The following CRCP variants were observed in gnomAD, a reference collection of about 807,000 sequenced individuals.
The protein encoded by CRCP is CGRP receptor component.
Under a neutral mutation model 18.5 loss-of-function variants are expected in CRCP, and 18 were observed. The observed-to-expected ratio is 0.97, with a 90% CI of 0.67 to 1.44. The LOEUF (loss-of-function observed/expected upper bound fraction) is 1.44, where lower values mean the gene tolerates loss of function less well. CRCP is among the 40% of genes most tolerant of loss of function. The pLI is 0.00. For missense variants in CRCP, 130 were observed against 176.4 expected (o/e 0.74, Z 1.49); for synonymous variants, 53 against 62.9 (o/e 0.84, Z 0.75).
intron 1 of CRCP, among the ~76,000 whole-genome samples, chr7:66,126,835 A>G (rs1003045521): frequency 6.7e-6 from 1 of 149,240 alleles, no homozygotes; most frequent in Non-Finnish European, 1.5e-5. Flanking sequence ...CCCTGTGAAC[A>G]GTCTTACAAG....
At chr7:66,119,773 A>T (rs1345317045) in intron 1 of CRCP, 3 of 152,378 alleles carry the variant, frequency 2.0e-5, no homozygotes, top group East Asian at 1.9e-4. Flanking sequence ...TGTAAATAGT[A>T]GTTGTACTGT....
intron 4 of CRCP, among the ~76,000 whole-genome samples, chr7:66,139,333 T>C (rs1788066510): frequency 6.6e-6 from 1 of 152,234 alleles, no homozygotes; most frequent in Non-Finnish European, 1.5e-5. Context: ...TCCATTTGGT[T>C]ATTTGTTATA....
intron 1 of CRCP, among the ~76,000 whole-genome samples, chr7:66,124,109 C>A (rs552741719): frequency 3.6e-4 from 50 of 138,472 alleles, no homozygotes; most frequent in Non-Finnish European, 6.0e-4. Context: ...CTCCTGTAAT[C>A]CCAGCACTTT....
At chr7:66,117,027 A>G (rs995051045) in intron 1 of CRCP, among the ~76,000 whole-genome samples, 1 of 151,266 alleles carries the variant, frequency 6.6e-6, no homozygotes, top group Non-Finnish European at 1.5e-5. Context: ...AGGCTGAGGC[A>G]GGAGAATCGC....
At chr7:66,146,670 T>G (rs1788308260) in intron 5 of CRCP, among the ~76,000 whole-genome samples, 1 of 152,170 alleles carries the variant, frequency 6.6e-6, no homozygotes, top group African/African-American at 2.4e-5. Flanking sequence ...TTCCTAGGGT[T>G]GTTTTTGCCC....
At chr7:66,125,158 T>G (rs1787582923) in intron 1 of CRCP, among the ~76,000 whole-genome samples, 1 of 149,312 alleles carries the variant, frequency 6.7e-6, no homozygotes, top group South Asian at 2.1e-4. Flanking sequence ...TGGGGCTGGA[T>G]TGCTCTGAGG....
intron 4 of CRCP, among the ~76,000 whole-genome samples, chr7:66,142,557 G>A (rs1788171835): frequency 6.6e-6 from 1 of 152,172 alleles, no homozygotes; most frequent in African/African-American, 2.4e-5. Flanking sequence ...GCAGTGGTGT[G>A]ATCATAGCTC....
chr7:66,115,390 T>C (rs1263510947), intron 1 of CRCP, among the ~76,000 whole-genome samples: 1 of 152,188 alleles, frequency 6.6e-6, no homozygotes, highest in Non-Finnish European at 1.5e-5. Flanking sequence ...GGTAGAGCTC[T>C]GCTTGCAGCT....
intron 5 of CRCP, 72 bp from the exon 6 acceptor site, chr7:66,152,136 G>T (rs1376847511): frequency 1.9e-6 from 3 of 1,568,782 alleles, no homozygotes; most frequent in Non-Finnish European, 2.6e-6. Context: ...GAGACCATGA[G>T]CACAGTGGGC....
chr7:66,141,485 C>G lies in CRCP; in HGVS notation c.240-3958C>G, dbSNP rs1010341815. 2.0e-5 allele frequency among the ~76,000 whole-genome samples: 3 copies of G among 152,026 alleles called. No individual in the cohort carries two copies. The East Asian group carries it at 5.8e-4, about 29-fold the overall frequency. On this transcript the variant is annotated intron_variant, in intron 4 of 5. Coordinates refer to ENST00000395326, the MANE Select transcript of CRCP (RefSeq NM_014478.5). ...TGTAGTGGTAGCTGAGATTTTGAGG[C>G]CTGGGTGAGGACGTCAGTAGGAGGG...
intron 4 of CRCP, among the ~76,000 whole-genome samples, chr7:66,135,152 C>T (rs556673863): frequency 6.6e-6 from 1 of 152,192 alleles, no homozygotes; most frequent in African/African-American, 2.4e-5. Context: ...ATCAGGGCCA[C>T]TTGGTTCTTA....
chr7:66,131,173 A>G (rs1341748973), intron 3 of CRCP, among the ~76,000 whole-genome samples: 2 of 151,964 alleles, frequency 1.3e-5, no homozygotes. Flanking sequence ...ACAGGGTTTC[A>G]CCATGTTAGC....
At chr7:66,129,735 T>C (rs1046434162) in intron 2 of CRCP, among the ~76,000 whole-genome samples, 2 of 152,204 alleles carry the variant, frequency 1.3e-5, no homozygotes, top group African/African-American at 4.8e-5. Context: ...GTTTGGACTT[T>C]GCTAGGTGTT....
intron 1 of CRCP, among the ~76,000 whole-genome samples, chr7:66,123,906 G>C (rs1302744272): frequency 6.7e-6 from 1 of 149,864 alleles, no homozygotes; most frequent in East Asian, 1.9e-4. Flanking sequence ...TGAGCCGGGC[G>C]TGGTGGCTGG....
At chr7:66,136,936 G>A (rs942033963) in intron 4 of CRCP, among the ~76,000 whole-genome samples, 7 of 151,552 alleles carry the variant, frequency 4.6e-5, no homozygotes, top group Admixed American at 6.6e-5. Flanking sequence ...AAAATTAGCC[G>A]GGTGTGGTGA....
intron 2 of CRCP, chr7:66,130,188 C>A (rs1045274271): frequency 4.0e-6 from 1 of 251,004 alleles, no homozygotes; most frequent in Non-Finnish European, 7.6e-6. Flanking sequence ...TCACTGCAAC[C>A]TCTGCCTCCC....
chr7:66,145,051 G>A, intron 4 of CRCP, among the ~76,000 whole-genome samples: 1 of 152,112 alleles, frequency 6.6e-6, no homozygotes, highest in Non-Finnish European at 1.5e-5. Flanking sequence ...AGTTACTTGG[G>A]AGGCTGAGGC....
intron 4 of CRCP, among the ~76,000 whole-genome samples, chr7:66,144,062 T>A (rs1788218048): frequency 6.6e-6 from 1 of 152,192 alleles, no homozygotes; most frequent in Admixed American, 6.5e-5. Flanking sequence ...CTGAGCTGAT[T>A]GGAAAGATGG....
intron 1 of CRCP, chr7:66,120,451 A>G (rs1387663260): frequency 6.6e-6 from 1 of 152,134 alleles, no homozygotes; most frequent in African/African-American, 2.4e-5. Context: ...TTTTGCAGCC[A>G]GTAATTCATG....
Sources: allele counts gnomAD v4.1 joint callset (sites outside exome capture counted in the v4.1 genomes callset), GRCh38; gene constraint gnomAD v4.1.1; transcripts MANE v1.5; gene names NCBI Gene and HGNC (gene_info 2026-07-23, HGNC 2026-07-21).